Variants in EHD3 observed in about 807,000 individuals in gnomAD.
The protein encoded by EHD3 is EH domain containing 3.
In EHD3, 17 loss-of-function variants were observed where a neutral mutation model predicts 43.0. That is an observed-to-expected ratio of 0.40 (90% CI 0.27 to 0.59). The LOEUF (loss-of-function observed/expected upper bound fraction) is 0.59, where lower values mean the gene tolerates loss of function less well. Ranked by LOEUF, EHD3 falls within the 20% of genes least tolerant of loss-of-function variation. The pLI, the probability that EHD3 is intolerant of heterozygous loss-of-function variation, is 0.49. For missense variants in EHD3, 594 were observed against 705.6 expected, an observed-to-expected ratio of 0.84 and a Z score of 1.79; for synonymous variants, 313 against 289.5, an observed-to-expected ratio of 1.08 and a Z score of -0.82.
Position 31,234,460 on chromosome 2 carries a change from C to T in EHD3, c.-162C>T. On this transcript the variant is annotated 5_prime_UTR_variant, in exon 1 of 6. Transcript: ENST00000322054. ...CCCAGGAGCAGGGAGAGTGCGCTCC[C>T]GGCCCTCCTAGCCGCGTGCCCGGGC... 5.5e-6 allele frequency: 4 copies of T among 733,152 alleles called. No individual in the cohort carries two copies. The highest frequency in any genetic ancestry group is 1.9e-5 in the South Asian group (1 of 53,850). The allele number at this position is 733,152 out of a possible 1,614,324, so 45.4% of individuals were successfully genotyped here. A position where few individuals can be genotyped will look rare whatever the true frequency, so the allele number is the denominator to read the frequency against.
chr2:31,242,821 G>A (rs911711103), intron 1 of EHD3, among the ~76,000 whole-genome samples: 6 of 151,974 alleles, frequency 3.9e-5, no homozygotes, highest in South Asian at 2.1e-4. Flanking sequence ...TTAGCCGGGC[G>A]TGGTGGCGGC....
intron 3 of EHD3, among the ~76,000 whole-genome samples, chr2:31,258,489 C>T (rs1192661430): frequency 6.6e-6 from 1 of 152,174 alleles, no homozygotes; most frequent in Non-Finnish European, 1.5e-5. Flanking sequence ...TCTGAAATGA[C>T]AGCCTTTGAA....
At position 31,247,984 on chromosome 2, in the gene EHD3, G is replaced by A. The variant is rs373751330; in HGVS notation, c.405-1387G>A. 2.6e-4 allele frequency among the ~76,000 whole-genome samples: 39 copies of A among 152,344 alleles called. No homozygotes were observed. In the East Asian group the frequency reaches 5.2e-3, roughly 20 times the overall value. ...AGATTTTCTCCAGGAGCACGCAGCC[G>A]CTGAAGTAGTGGATGTTTAGGTTGG... On this transcript the variant is annotated intron_variant, in intron 2 of 5. Coordinates refer to ENST00000322054, the MANE Select transcript of EHD3 (RefSeq NM_014600.3).
intron 3 of EHD3, among the ~76,000 whole-genome samples, chr2:31,254,977 G>T (rs1489406944): frequency 2.0e-5 from 3 of 152,264 alleles, no homozygotes; most frequent in African/African-American, 7.2e-5. Context: ...GCCAGGCCAT[G>T]ATGGAAGCCG....
chr2:31,264,299 G>A (rs748732311), intron 5 of EHD3, among the ~76,000 whole-genome samples: 3 of 152,088 alleles, frequency 2.0e-5, no homozygotes, highest in Non-Finnish European at 4.4e-5. Context: ...AATACAGTAT[G>A]AAAGATAAAC....
chr2:31,266,369 G>A lies in EHD3; in HGVS notation c.1273G>A (p.Gly425Ser). The A allele has an allele frequency of 6.2e-7, 1 of 1,614,192 alleles. No individual in the cohort carries two copies. Among genetic ancestry groups the A allele is most frequent in the South Asian group, 1.1e-5 (1 of 91,086 alleles). Reference protein sequence around the residue: ...EGTLHGPFGHGYGEGAGEGID... With the variant: ...EGTLHGPFGHSYGEGAGEGID... ...CACCCTGCACGGCCCCTTTGGGCATGGCTATGGGGAGGGGGCTGGAGAAGG... is the reference window on the plus strand; with the variant it reads ...CACCCTGCACGGCCCCTTTGGGCATAGCTATGGGGAGGGGGCTGGAGAAGG... Residue 425 changes from glycine to serine, a missense_variant, in exon 6 of 6, where the codon GGC (glycine) becomes AGC (serine). This residue lies in a region of EHD3 where 322 missense variants were observed against 348.0 expected (regional missense o/e 0.93). Transcript: ENST00000322054. This position sits in a 1 kb window ranked among gnomAD's most constrained non-coding sequence, Gnocchi z 5.1.
Position 31,234,855 on chromosome 2 carries a change from C to A in EHD3, c.227+7C>A. 6.2e-7 allele frequency: 1 copy of A among 1,613,958 alleles called. No individual in the cohort carries two copies. Among genetic ancestry groups the A allele is most frequent in the Non-Finnish European group, 8.5e-7 (1 of 1,179,900 alleles). Reference sequence around the variant, plus strand: ...GGAAGACCACCTTCATCAGGTGAGCCGGCCCAGGGTCCTGGCAGCCCACCC... The same window carrying A: ...GGAAGACCACCTTCATCAGGTGAGCAGGCCCAGGGTCCTGGCAGCCCACCC... On this transcript the variant is annotated splice_region_variant and intron_variant, in intron 1 of 5. Coordinates refer to ENST00000322054, the MANE Select transcript of EHD3 (RefSeq NM_014600.3).
chr2:31,241,644 G>A (rs1294249730), intron 1 of EHD3, among the ~76,000 whole-genome samples: 3 of 152,144 alleles, frequency 2.0e-5, no homozygotes, highest in Non-Finnish European at 4.4e-5. Flanking sequence ...CCGGCACATC[G>A]CAGGTACTCA....
At position 31,250,676 on chromosome 2, in the gene EHD3, C is replaced by T. The variant is rs180895491; in HGVS notation, c.502+1208C>T. ...GTCCTGGCACAGTTTGCTGAGTGTCCTGTATAGCCCACTACCCTCTCTGTG... is the reference window on the plus strand; with the variant it reads ...GTCCTGGCACAGTTTGCTGAGTGTCTTGTATAGCCCACTACCCTCTCTGTG... On this transcript the variant is annotated intron_variant, in intron 3 of 5. Transcript: ENST00000322054. Among the ~76,000 whole-genome samples the T allele has an allele frequency of 6.3e-3, 960 of 152,318 alleles. 8 individuals carry two copies. Among genetic ancestry groups the T allele is most frequent in the Non-Finnish European group, 9.4e-3 (638 of 68,024 alleles).
intron 5 of EHD3, 150 bp downstream of exon 5, chr2:31,261,863 T>G: frequency 1.0e-6 from 1 of 964,600 alleles, no homozygotes. Context: ...TCTACACTCC[T>G]AGCTGGGCCA....
intron 3 of EHD3, among the ~76,000 whole-genome samples, chr2:31,256,377 A>C (rs1052830878): frequency 1.3e-5 from 2 of 152,188 alleles, no homozygotes; most frequent in African/African-American, 4.8e-5. Flanking sequence ...TGAGGCCCAG[A>C]GATTACTCAT....
intron 3 of EHD3, among the ~76,000 whole-genome samples, chr2:31,254,372 C>T (rs992114609): frequency 6.6e-6 from 1 of 152,228 alleles, no homozygotes; most frequent in African/African-American, 2.4e-5. Context: ...TTAAAGGCCT[C>T]TGGGTCTTCC....
intron 1 of EHD3, among the ~76,000 whole-genome samples, chr2:31,238,827 AG>A (rs1245403563): frequency 6.6e-6 from 1 of 152,118 alleles, no homozygotes; most frequent in East Asian, 1.9e-4. Context: ...GCCATGAGGG[AG>A]GCCTCCCTGG....
At chr2:31,253,545 G>T (rs1445105276) in intron 3 of EHD3, among the ~76,000 whole-genome samples, 1 of 152,196 alleles carries the variant, frequency 6.6e-6, no homozygotes, top group Non-Finnish European at 1.5e-5. Context: ...AAAGGGGCAT[G>T]GTTATCAAGT....
At chr2:31,261,054 G>T in intron 4 of EHD3, 132 bp downstream of exon 4, 2 of 1,023,138 alleles carry the variant, frequency 2.0e-6, no homozygotes, top group Non-Finnish European at 1.4e-6. Flanking sequence ...AGGACAGTGC[G>T]GGAGCCATGG....
At chr2:31,265,334 G>A (rs1683929857) in intron 5 of EHD3, among the ~76,000 whole-genome samples, 1 of 152,134 alleles carries the variant, frequency 6.6e-6, no homozygotes, top group South Asian at 2.1e-4. Flanking sequence ...TATACCACTG[G>A]CAGCACAGTA....
At chr2:31,263,188 C>T (rs1272543838) in intron 5 of EHD3, among the ~76,000 whole-genome samples, 1 of 152,222 alleles carries the variant, frequency 6.6e-6, no homozygotes, top group African/African-American at 2.4e-5. Context: ...ATTCACTAAC[C>T]AGCATTGCTT....
rs1366838804 is a variant in EHD3 at position 31,267,416 on chromosome 2, G to A, written c.*712G>A. The A allele has an allele frequency of 6.6e-6, 1 of 152,476 alleles. No individual in the cohort carries two copies. Among genetic ancestry groups the A allele is most frequent in the Non-Finnish European group, 1.5e-5 (1 of 68,040 alleles). 9.4% of individuals were successfully genotyped at this position (152,476 alleles called of 1,614,324 possible). On this transcript the variant is annotated 3_prime_UTR_variant, in exon 6 of 6. Transcript: ENST00000322054. ...AGTCTATTGAAAACCAGTCAAGGTG[G>A]TTTTAGTTCATAGATTTTGTTAGAT...
chr2:31,234,708 C>T lies in EHD3; in HGVS notation c.87C>T (p.Tyr29=), dbSNP rs759507833. Residue 29 remains tyrosine (Y), a synonymous_variant, in exon 1 of 6, where the codon TAC becomes TAT. Coordinates refer to ENST00000322054, the MANE Select transcript of EHD3 (RefSeq NM_014600.3). ...TGAGTGAGGGGCTCAAGAAACTCTA[C>T]AAGAGCAAGCTGCTGCCCTTGGAAG... is the stretch of plus-strand genomic sequence containing the variant. The part of the protein sequence containing the change: ...QTVSEGLKKL[Y]KSKLLPLEEH... The T allele has an allele frequency of 6.2e-6, 10 of 1,614,116 alleles. No individual in the cohort carries two copies. The Admixed American group carries it at 1.5e-4, about 24-fold the overall frequency.
Sources: allele counts gnomAD v4.1 joint callset (sites outside exome capture counted in the v4.1 genomes callset), GRCh38; gene constraint gnomAD v4.1.1; regional missense constraint gnomAD v4.1.1; non-coding constraint Gnocchi (gnomAD v3.1); transcripts MANE v1.5; gene names NCBI Gene and HGNC (gene_info 2026-07-23, HGNC 2026-07-21).